Variants in LARP4 observed in about 807,000 individuals in gnomAD.
LARP4 encodes the protein la-related protein 4.
LARP4 carries 29 observed loss-of-function variants against 92.9 expected under a neutral mutation model. The ratio of observed to expected loss-of-function variants is 0.31; its 90% CI spans 0.23 to 0.43. LARP4 has a LOEUF of 0.43. Ranked by LOEUF, LARP4 falls within the 20% of genes least tolerant of loss-of-function variation. LARP4 has a pLI of 1.00. For missense variants in LARP4, 732 were observed against 860.0 expected (o/e 0.85, Z 1.86); for synonymous variants, 279 against 284.1 (o/e 0.98, Z 0.18).
At chr12:50,453,400 A>G (rs979221711) in intron 8 of LARP4, 60 bp from the exon 9 acceptor site, 13 of 968,204 alleles carry the variant, frequency 1.3e-5, no homozygotes, top group Non-Finnish European at 2.1e-5. Flanking sequence ...AATGTAAATT[A>G]AATGTATTTT....
chr12:50,458,978 G>A (rs1362428723), intron 10 of LARP4, among the ~76,000 whole-genome samples: 1 of 152,084 alleles, frequency 6.6e-6, no homozygotes, highest in African/African-American at 2.4e-5. Flanking sequence ...GGTGATGGAT[G>A]TTTAGTAAGA....
chr12:50,413,085 TG>T (rs763474344), intron 1 of LARP4, among the ~76,000 whole-genome samples: 1 of 151,880 alleles, frequency 6.6e-6, no homozygotes, highest in Non-Finnish European at 1.5e-5. Flanking sequence ...TAGCCGGACG[TG>T]GTGGTGGGCG....
chr12:50,473,584 G>A (rs1333692284), intron 14 of LARP4, 48 bp downstream of exon 14: 1 of 1,581,370 alleles, frequency 6.3e-7, no homozygotes, highest in South Asian at 1.1e-5. Flanking sequence ...TACTTTTTCT[G>A]GCCGGGTGTG....
Position 50,475,686 on chromosome 12 carries a change from A to G in LARP4, c.1997A>G (p.Glu666Gly). 2 of 1,614,200 alleles carry G rather than the reference A, an allele frequency of 1.2e-6. No homozygotes were observed. The highest frequency in any genetic ancestry group is 1.1e-5 in the South Asian group (1 of 91,082). The change falls in exon 16 of 16, where the codon GAG becomes GGG. Residue 666 changes from glutamate (E) to glycine (G), a missense_variant. This residue lies in a region of LARP4 where 115 missense variants were observed against 129.1 expected (regional missense o/e 0.89). Transcript: ENST00000398473. The part of the protein sequence containing the change: ...APENSVEKPH[E>G]KPEARASKDY... ...GAGAACTCCGTTGAGAAACCACATG[A>G]GAAGCCAGAAGCAAGGGCTAGTAAG... is the stretch of plus-strand genomic sequence containing the variant.
At chr12:50,430,671 T>C (rs74420141) in intron 4 of LARP4, 101 bp downstream of exon 4, 1 of 669,256 alleles carries the variant, frequency 1.5e-6, no homozygotes, top group South Asian at 2.4e-5. Context: ...TTTTTTTTTT[T>C]ATTTTCTTGA....
In LARP4 at chr12:50,478,664, CAA is replaced by C. The variant is rs1565791306; in HGVS notation, c.*2801_*2802del. 1 of 152,078 alleles carries C rather than the reference CAA, an allele frequency of 6.6e-6. No individual in the cohort carries two copies. Among genetic ancestry groups the C allele is most frequent in the Non-Finnish European group, 1.5e-5 (1 of 67,982 alleles). 9.4% of individuals were successfully genotyped at this position (152,078 alleles called of 1,614,324 possible). A position where few individuals can be genotyped will look rare whatever the true frequency, so the allele number is the denominator to read the frequency against. ...CATAGTTCTTACTGCATGAAGAGAA[CAA>C]GAGTCACACAAGTTCACCACTTTGC... On this transcript the variant is annotated 3_prime_UTR_variant, in exon 16 of 16. Coordinates refer to ENST00000398473, the MANE Select transcript of LARP4 (RefSeq NM_052879.5).
intron 1 of LARP4, among the ~76,000 whole-genome samples, chr12:50,419,983 A>G (rs906739767): frequency 1.6e-4 from 24 of 152,252 alleles, no homozygotes; most frequent in African/African-American, 5.8e-4. Context: ...GTAGAAAATT[A>G]TGAAGGATGT....
At chr12:50,446,193 A>C (rs1952007908) in intron 8 of LARP4, among the ~76,000 whole-genome samples, 1 of 148,074 alleles carries the variant, frequency 6.8e-6, no homozygotes, top group African/African-American at 2.5e-5. Context: ...TTTTTAGTAG[A>C]GACGGGGTTT....
chr12:50,468,433 A>G (rs1956462187), intron 13 of LARP4, among the ~76,000 whole-genome samples: 1 of 151,638 alleles, frequency 6.6e-6, no homozygotes, highest in Non-Finnish European at 1.5e-5. Flanking sequence ...AGCTGGGACT[A>G]CAGGCGCCTG....
At chr12:50,416,527 A>C (rs1946821130) in intron 1 of LARP4, 2 of 152,252 alleles carry the variant, frequency 1.3e-5, no homozygotes, top group African/African-American at 4.8e-5. Flanking sequence ...AAAAACAAAA[A>C]CACAACATCA....
intron 1 of LARP4, chr12:50,401,308 T>C: frequency 2.1e-6 from 1 of 479,358 alleles, no homozygotes. Flanking sequence ...GGGGAAAGTG[T>C]CCCATATGGA....
At chr12:50,454,572 GAATTCGTAAA>G (rs1953874861) in intron 10 of LARP4, 155 bp downstream of exon 10, 1 of 482,944 alleles carries the variant, frequency 2.1e-6, no homozygotes, top group Admixed American at 3.9e-5. Flanking sequence ...GTTTAATCTA[GAATTCGTAAA>G]AACACTTTGA....
intron 6 of LARP4, 60 bp from the exon 7 acceptor site, chr12:50,440,378 AC>A: frequency 8.1e-7 from 1 of 1,234,382 alleles, no homozygotes; most frequent in Non-Finnish European, 1.2e-6. Context: ...AAACAAACCA[AC>A]AAAAAATGCC....
At chr12:50,418,844 A>G (rs1947279467) in intron 1 of LARP4, among the ~76,000 whole-genome samples, 1 of 151,998 alleles carries the variant, frequency 6.6e-6, no homozygotes, top group Admixed American at 6.6e-5. Context: ...TTAGCCTCCC[A>G]GGTAACTGGA....
intron 5 of LARP4, among the ~76,000 whole-genome samples, chr12:50,436,900 T>G (rs981631819): frequency 6.6e-6 from 1 of 152,226 alleles, no homozygotes; most frequent in Non-Finnish European, 1.5e-5. Context: ...TACAGAGGAT[T>G]ACAAACATTT....
chr12:50,475,287 C>T (rs1207664225), intron 15 of LARP4, among the ~76,000 whole-genome samples: 3 of 152,066 alleles, frequency 2.0e-5, no homozygotes, highest in Admixed American at 2.0e-4. Flanking sequence ...GCATTTAGGT[C>T]GCTCCCATCA....
Position 50,479,319 on chromosome 12 carries a change from G to A in LARP4, c.*3455G>A, listed in dbSNP as rs1957734583. On this transcript the variant is annotated 3_prime_UTR_variant, in exon 16 of 16. Transcript: ENST00000398473. ...TACAGAAAAGATAAAACTCAAAAGA[G>A]AACAGTGTATTCCTTCTGAGGGGCT... is the stretch of plus-strand genomic sequence containing the variant. 1 of 152,476 alleles carries A rather than the reference G, an allele frequency of 6.6e-6. No homozygotes were observed. Among genetic ancestry groups the A allele is most frequent in the East Asian group, 1.9e-4 (1 of 5,198 alleles). The allele number at this position is 152,476 out of a possible 1,614,324, so 9.4% of individuals were successfully genotyped here.
intron 1 of LARP4, among the ~76,000 whole-genome samples, chr12:50,422,810 A>ATTATTG (rs918084310): frequency 7.0e-6 from 1 of 143,084 alleles, no homozygotes; most frequent in Non-Finnish European, 1.5e-5. Flanking sequence ...TATTATTATT[A>ATTATTG]TTATTATTAT....
chr12:50,464,870 A>G (rs1175212872), intron 12 of LARP4, among the ~76,000 whole-genome samples: 1 of 149,952 alleles, frequency 6.7e-6, no homozygotes, highest in East Asian at 2.0e-4. Flanking sequence ...TTTGTATTAT[A>G]GTAGAGACAG....
Sources: gnomAD v4.1 joint callset for allele counts (sites outside exome capture counted in the v4.1 genomes callset) on GRCh38, gnomAD v4.1.1 for gene constraint, gnomAD v4.1.1 regional missense constraint, MANE v1.5 for transcripts, NCBI Gene and HGNC (gene_info 2026-07-23, HGNC 2026-07-21) for gene names.